IFT52: variants seen among roughly 807,000 people sequenced by gnomAD.
IFT52 encodes intraflagellar transport 52.
A neutral mutation model predicts 54.4 loss-of-function variants in IFT52; 44 were observed. The ratio of observed to expected loss-of-function variants is 0.81; its 90% CI spans 0.63 to 1.04. The LOEUF (loss-of-function observed/expected upper bound fraction) is 1.04, where lower values mean the gene tolerates loss of function less well. Ranked by LOEUF, IFT52 falls within the 50% of genes least tolerant of loss-of-function variation. The pLI is 0.00. For synonymous variants in IFT52, 181 were observed against 185.3 expected, an observed-to-expected ratio of 0.98 and a Z score of 0.19; for missense variants, 452 against 523.6, an observed-to-expected ratio of 0.86 and a Z score of 1.33.
intron 6 of IFT52, among the ~76,000 whole-genome samples, chr20:43,606,529 C>A (rs544622933): frequency 6.6e-6 from 1 of 151,972 alleles, no homozygotes; most frequent in African/African-American, 2.4e-5. Flanking sequence ...CTGCCTCGGC[C>A]TCCCAAAGTG....
At chr20:43,609,535 G>T (rs1421981819) in intron 6 of IFT52, among the ~76,000 whole-genome samples, 2 of 152,082 alleles carry the variant, frequency 1.3e-5, no homozygotes, top group Non-Finnish European at 2.9e-5. Context: ...ACTTTGGGAG[G>T]CCGAGGTGGG....
chr20:43,629,259 TTTTG>T, intron 10 of IFT52, among the ~76,000 whole-genome samples: 1 of 152,192 alleles, frequency 6.6e-6, no homozygotes, highest in East Asian at 1.9e-4. Flanking sequence ...TGTTGTACGT[TTTTG>T]TTTTTTTGTT....
At chr20:43,608,057 A>AG (rs11427975) in intron 6 of IFT52, among the ~76,000 whole-genome samples, 119,001 of 151,914 alleles carry the variant, frequency 0.78, 46,938 homozygotes, top group Non-Finnish European at 0.82. Flanking sequence ...CTGAGGCAGG[A>AG]AATCAGGCAG....
intron 12 of IFT52, among the ~76,000 whole-genome samples, chr20:43,641,294 T>G (rs951164154): frequency 6.6e-6 from 1 of 152,124 alleles, no homozygotes; most frequent in African/African-American, 2.4e-5. Context: ...CGATCTTGGC[T>G]CACCACAGCC....
At position 43,637,268 on chromosome 20, in the gene IFT52, C is replaced by T; in HGVS notation, c.1120+15C>T. On this transcript the variant is annotated intron_variant, in intron 12 of 13. Transcript: ENST00000373030. Reference sequence around the variant, plus strand: ...TACCAATAAGTGTAAGTTTGGCGAACTTTTTTTTTTTGAGACAGAGTTTCA... The same window carrying T: ...TACCAATAAGTGTAAGTTTGGCGAATTTTTTTTTTTTGAGACAGAGTTTCA... 2 of 1,188,204 alleles carry T rather than the reference C, an allele frequency of 1.7e-6. No homozygotes were observed. The highest frequency in any genetic ancestry group is 2.3e-6 in the Non-Finnish European group (2 of 877,072). The allele number at this position is 1,188,204 out of a possible 1,614,324, so 73.6% of individuals were successfully genotyped here.
chr20:43,626,454 C>G (rs1242979835), intron 10 of IFT52, among the ~76,000 whole-genome samples: 1 of 151,988 alleles, frequency 6.6e-6, no homozygotes, highest in Non-Finnish European at 1.5e-5. Context: ...CCATGTTGGC[C>G]AGGCTGGTCT....
At chr20:43,636,742 A>G (rs1227492729) in intron 11 of IFT52, among the ~76,000 whole-genome samples, 1 of 152,246 alleles carries the variant, frequency 6.6e-6, no homozygotes, top group Non-Finnish European at 1.5e-5. Context: ...CAAGTTGTAC[A>G]ATCAAATGTT....
At chr20:43,641,633 A>G (rs985827509) in intron 12 of IFT52, among the ~76,000 whole-genome samples, 1 of 151,770 alleles carries the variant, frequency 6.6e-6, no homozygotes, top group Non-Finnish European at 1.5e-5. Context: ...AGCTGGGATT[A>G]CAGGTGCGCA....
intron 9 of IFT52, among the ~76,000 whole-genome samples, chr20:43,621,682 C>CA (rs1480859289): frequency 1.3e-5 from 2 of 152,190 alleles, no homozygotes; most frequent in African/African-American, 4.8e-5. Flanking sequence ...AGGCTGGTCT[C>CA]AAACTCCTGA....
intron 2 of IFT52, among the ~76,000 whole-genome samples, chr20:43,595,473 C>G (rs1177896076): frequency 1.3e-5 from 2 of 152,102 alleles, no homozygotes; most frequent in East Asian, 3.8e-4. Flanking sequence ...CGCTTAAATC[C>G]AGGAGGCGGA....
chr20:43,604,051 T>A, intron 4 of IFT52, 132 bp from the exon 5 acceptor site: 1 of 947,326 alleles, frequency 1.1e-6, no homozygotes, highest in African/African-American at 1.7e-5. Context: ...AGGCTTGGGC[T>A]GCTTCCATTT....
At chr20:43,634,709 T>C (rs1434156914) in intron 10 of IFT52, among the ~76,000 whole-genome samples, 2 of 151,886 alleles carry the variant, frequency 1.3e-5, no homozygotes, top group Non-Finnish European at 2.9e-5. Flanking sequence ...ACTTGTGTCA[T>C]GGGGGTTTGT....
At chr20:43,608,034 G>A (rs993736609) in intron 6 of IFT52, among the ~76,000 whole-genome samples, 8 of 118,218 alleles carry the variant, frequency 6.8e-5, no homozygotes, top group African/African-American at 2.4e-4. Flanking sequence ...TGCAATCACA[G>A]GCACTCGGCA....
intron 6 of IFT52, among the ~76,000 whole-genome samples, chr20:43,608,144 A>G (rs1328046118): frequency 6.6e-6 from 1 of 151,858 alleles, no homozygotes; most frequent in Admixed American, 6.6e-5. Flanking sequence ...GTGGAAAGAG[A>G]GGGAGAGGGA....
At chr20:43,604,641 C>T (rs942678973) in intron 5 of IFT52, among the ~76,000 whole-genome samples, 1 of 151,974 alleles carries the variant, frequency 6.6e-6, no homozygotes, top group Non-Finnish European at 1.5e-5. Context: ...AATCTTCCCT[C>T]GTCTCTTCTC....
At chr20:43,640,836 G>A (rs550113992) in intron 12 of IFT52, among the ~76,000 whole-genome samples, 1 of 152,216 alleles carries the variant, frequency 6.6e-6, no homozygotes, top group African/African-American at 2.4e-5. Flanking sequence ...ACGAGTTCGA[G>A]ACCAGCTTGG....
rs193159840 is a variant in IFT52, at chr20:43,593,812, C to T, written c.-6-881C>T. Among the ~76,000 whole-genome samples the T allele has an allele frequency of 3.1e-3, 466 of 152,234 alleles. 1 individual carries two copies. Among genetic ancestry groups the T allele is most frequent in the African/African-American group, 0.011 (446 of 41,550 alleles). The stretch of plus-strand genomic sequence containing the variant: ...CTGCTGAGCTCAAGCGATCCTCCCA[C>T]CTCAGCCTCTCAAAGTGCTGGAGTT... On this transcript the variant is annotated intron_variant, in intron 1 of 13. Transcript: ENST00000373030.
chr20:43,621,662 C>T (rs1476477554), intron 9 of IFT52, among the ~76,000 whole-genome samples: 1 of 152,110 alleles, frequency 6.6e-6, no homozygotes, highest in Admixed American at 6.6e-5. Flanking sequence ...AGGGTTTCAC[C>T]ATTTTGGCTA....
intron 12 of IFT52, among the ~76,000 whole-genome samples, chr20:43,641,836 C>T (rs897958476): frequency 2.6e-4 from 40 of 151,660 alleles, no homozygotes; most frequent in Middle Eastern, 3.5e-3. Context: ...TTCTGTTGCC[C>T]GGGGTGGAGT....
Sources: allele counts gnomAD v4.1 joint callset (sites outside exome capture counted in the v4.1 genomes callset), GRCh38; gene constraint gnomAD v4.1.1; transcripts MANE v1.5; gene names NCBI Gene and HGNC (gene_info 2026-07-23, HGNC 2026-07-21).